The following ZPBP variants were observed in gnomAD, a reference collection of about 807,000 sequenced individuals.
ZPBP encodes the protein zona pellucida binding protein, also known as zona pellucida-binding protein 1.
ZPBP carries 26 observed loss-of-function variants against 44.8 expected under a neutral mutation model. That is an observed-to-expected ratio of 0.58 (90% CI 0.43 to 0.81). The LOEUF is 0.81. Among genes scored for constraint, ZPBP ranks in the 30% least tolerant of loss-of-function variants. The probability of loss-of-function intolerance (pLI) is 0.00; values close to 1 mark genes in which losing one functional copy is unlikely to be tolerated. For missense variants in ZPBP, 409 were observed against 434.0 expected (o/e 0.94, Z 0.51); for synonymous variants, 174 against 153.2 (o/e 1.14, Z -1.00).
rs559863793 is a variant in ZPBP at position 49,986,864 on chromosome 7, T to C, written c.784-3345A>G. 2.6e-5 allele frequency among the ~76,000 whole-genome samples: 4 copies of C among 152,298 alleles called. No homozygotes were observed. The East Asian group carries it at 5.8e-4, about 22-fold the overall frequency. On this transcript the variant is annotated intron_variant, in intron 6 of 7. Coordinates refer to ENST00000046087, the MANE Select transcript of ZPBP (RefSeq NM_007009.3). ...AAAAGAGGGGTATCTTAGGATGGGA[T>C]ATGGGCCCAGGACTCCATAGGCCCT...
rs958356800 is a variant in ZPBP, at chr7:50,018,308, G to C, written c.715C>G (p.Leu239Val). The C allele has an allele frequency of 2.2e-5, 35 of 1,603,590 alleles. No homozygotes were observed. Among genetic ancestry groups the C allele is most frequent in the Non-Finnish European group, 2.7e-5 (32 of 1,173,254 alleles). Residue 239 changes from leucine (L) to valine (V), a missense_variant, in exon 6 of 8, where the codon CTA (leucine) becomes GTA (valine). Coordinates refer to ENST00000046087, the MANE Select transcript of ZPBP (RefSeq NM_007009.3). ...ELFFAFSVSS[L>V]DTEKGPKRCT... is the part of the protein sequence containing the mutation. Reference sequence around the variant, plus strand: ...CGCTTGGGTCCTTTTTCAGTGTCTAGAGATGAAACTGAGAAAATATATTAT... The same window carrying C: ...CGCTTGGGTCCTTTTTCAGTGTCTACAGATGAAACTGAGAAAATATATTAT...
chr7:49,899,626 A>T (rs1022010789), intron 2 of ZPBP, among the ~76,000 whole-genome samples: 1 of 152,054 alleles, frequency 6.6e-6, no homozygotes, highest in African/African-American at 2.4e-5. Flanking sequence ...GAAGACACAC[A>T]GGTCTTCAAT....
chr7:49,846,977 A>G (rs1789967400), downstream of ZPBP, among the ~76,000 whole-genome samples: 5 of 152,316 alleles, frequency 3.3e-5, no homozygotes, highest in South Asian at 1.0e-3. Flanking sequence ...ATTCAGTGTG[A>G]GGCTGTAAAT....
chr7:50,030,586 G>A lies in ZPBP; in HGVS notation c.706+506C>T, dbSNP rs138202620. 3.5e-3 allele frequency among the ~76,000 whole-genome samples: 536 copies of A among 151,880 alleles called. 1 individual carries two copies. Among genetic ancestry groups the A allele is most frequent in the South Asian group, 5.6e-3 (27 of 4,808 alleles). On this transcript the variant is annotated intron_variant, in intron 5 of 7. Transcript: ENST00000046087. ...GGGGAAGGGTGCCCTACTGTCACTC[G>A]GACCCCTTAAAAACACATGCGTGGG...
intron 2 of ZPBP, among the ~76,000 whole-genome samples, chr7:49,882,865 T>C (rs1791729074): frequency 7.2e-6 from 1 of 138,040 alleles, no homozygotes; most frequent in African/African-American, 2.7e-5. Flanking sequence ...TTTTTTGTTT[T>C]TGTTGTTGTT....
At chr7:50,034,784 T>A (rs1355874793) in intron 4 of ZPBP, among the ~76,000 whole-genome samples, 1 of 152,226 alleles carries the variant, frequency 6.6e-6, no homozygotes, top group Non-Finnish European at 1.5e-5. Context: ...CTTGTTTCAA[T>A]CTGTTTCTCA....
intron 1 of ZPBP, among the ~76,000 whole-genome samples, chr7:49,907,793 G>A (rs1349694525): frequency 1.3e-5 from 2 of 152,172 alleles, no homozygotes; most frequent in African/African-American, 4.8e-5. Flanking sequence ...ATTGACAATT[G>A]CTTGAAAGAG....
intron 7 of ZPBP, among the ~76,000 whole-genome samples, chr7:49,945,164 CTT>C (rs943967986): frequency 1.4e-4 from 22 of 152,216 alleles, no homozygotes; most frequent in Admixed American, 7.9e-4. Context: ...CAAAATTCCT[CTT>C]GTTATTCATT....
intron 5 of ZPBP, 130 bp downstream of exon 5, chr7:50,030,962 G>C: frequency 1.3e-6 from 1 of 787,534 alleles, no homozygotes; most frequent in Non-Finnish European, 2.1e-6. Context: ...AGTCAAAGTA[G>C]AGAACAAAAT....
At chr7:50,040,333 GT>G (rs1800013671) in intron 4 of ZPBP, among the ~76,000 whole-genome samples, 1 of 152,174 alleles carries the variant, frequency 6.6e-6, no homozygotes, top group African/African-American at 2.4e-5. Context: ...TGCAATAGTG[GT>G]GACACAATTA....
chr7:49,981,360 TATATAATTATATATATTATATATA>T lies in ZPBP; in HGVS notation c.961+1958_961+1981del, dbSNP rs1562819265. Among the ~76,000 whole-genome samples, 55 of 11,606 alleles carry T rather than the reference TATATAATTATATATATTATATATA, an allele frequency of 4.7e-3. 2 individuals are homozygous for T. The highest frequency in any genetic ancestry group is 7.0e-3 in the Non-Finnish European group (47 of 6,720). 7.6% of individuals were successfully genotyped at this position (11,606 alleles called of 152,430 possible). On this transcript the variant is annotated intron_variant, in intron 7 of 7. Transcript: ENST00000046087. ...TATATATATTATATAATATATATTA[TATATAATTATATATATTATATATA>T]ATTATATATATTATATATAAAATAT...
intron 1 of ZPBP, chr7:49,916,064 C>T (rs1031654547): frequency 3.9e-5 from 6 of 152,210 alleles, no homozygotes; most frequent in African/African-American, 1.4e-4. Flanking sequence ...GCTGCAACTT[C>T]CAAAGATCAG....
At chr7:50,052,941 G>C (rs922203205) in intron 4 of ZPBP, among the ~76,000 whole-genome samples, 1 of 152,164 alleles carries the variant, frequency 6.6e-6, no homozygotes, top group African/African-American at 2.4e-5. Flanking sequence ...ATGGAGGTAG[G>C]AGGGAAAATG....
chr7:49,875,543 C>A (rs1023556182), intron 2 of ZPBP, among the ~76,000 whole-genome samples: 3 of 151,804 alleles, frequency 2.0e-5, no homozygotes, highest in Admixed American at 6.6e-5. Flanking sequence ...GGCTGGAGTC[C>A]TTTTGCATGA....
intron 3 of ZPBP, among the ~76,000 whole-genome samples, chr7:50,067,266 T>C (rs1390715837): frequency 2.0e-5 from 3 of 152,200 alleles, no homozygotes; most frequent in African/African-American, 7.2e-5. Context: ...AACCACCTCT[T>C]TGGGGGCCCA....
chr7:49,906,326 A>T (rs572742134), intron 1 of ZPBP, among the ~76,000 whole-genome samples: 226 of 152,270 alleles, frequency 1.5e-3, no homozygotes, highest in Middle Eastern at 0.01. Context: ...GTAAATATTA[A>T]CTGTCAAAAA....
intron 7 of ZPBP, among the ~76,000 whole-genome samples, chr7:49,981,585 T>TAA (rs1796947459): frequency 1.6e-5 from 1 of 61,702 alleles, no homozygotes; most frequent in Non-Finnish European, 2.9e-5. Context: ...ATAAATTATA[T>TAA]ATTATATAAT....
chr7:49,925,382 G>A (rs1794197789), intron 1 of ZPBP, among the ~76,000 whole-genome samples: 1 of 152,194 alleles, frequency 6.6e-6, no homozygotes, highest in South Asian at 2.1e-4. Context: ...AGGACCCAGT[G>A]TTGGCCTCTG....
At chr7:49,858,448 C>T (rs1361746318) in intron 2 of ZPBP, among the ~76,000 whole-genome samples, 3 of 151,480 alleles carry the variant, frequency 2.0e-5, no homozygotes, top group South Asian at 2.1e-4. Context: ...AGCAAACTAT[C>T]GCAAGGACAA....
Sources: allele counts gnomAD v4.1 joint callset (sites outside exome capture counted in the v4.1 genomes callset), GRCh38; gene constraint gnomAD v4.1.1; transcripts MANE v1.5; gene names NCBI Gene and HGNC (gene_info 2026-07-23, HGNC 2026-07-21).